Variants in DNAJA4 observed in about 807,000 individuals in gnomAD.
The protein encoded by DNAJA4 is dnaJ homolog subfamily A member 4.
DNAJA4 carries 32 observed loss-of-function variants against 39.7 expected under a neutral mutation model. The observed-to-expected ratio is 0.81, with a 90% CI of 0.61 to 1.08. The LOEUF is 1.08. Ranked by LOEUF, DNAJA4 falls within the 50% of genes least tolerant of loss-of-function variation. The pLI, the probability that DNAJA4 is intolerant of heterozygous loss-of-function variation, is 0.00. For synonymous variants in DNAJA4, 184 were observed against 182.4 expected (o/e 1.01, Z -0.07); for missense variants, 439 against 505.1 (o/e 0.87, Z 1.25).
chr15:78,275,657 A>C lies in DNAJA4; in HGVS notation c.806A>C (p.Glu269Ala). Residue 269 changes from glutamate to alanine, a missense_variant, in exon 5 of 7, where the codon GAA becomes GCA. Physicochemically the swap from Glu to Ala is moderately radical, Grantham distance 107 (BLOSUM62 -1). Coordinates refer to ENST00000394852, the MANE Select transcript of DNAJA4 (RefSeq NM_001130182.2). The stretch of plus-strand genomic sequence containing the variant: ...ATGAAAATGAAAATTCAGCTTTCTG[A>C]AGCTCTTTGTGGCTTCAAGAAGACG... ...LIMKMKIQLSEALCGFKKTIK... is the reference protein window; with the variant it reads ...LIMKMKIQLSAALCGFKKTIK... 6.2e-7 allele frequency: 1 copy of C among 1,614,178 alleles called. No individual in the cohort carries two copies. Among genetic ancestry groups the C allele is most frequent in the African/African-American group, 1.3e-5 (1 of 75,066 alleles).
At chr15:78,266,126 TG>T in intron 1 of DNAJA4, 1 of 1,062,042 alleles carries the variant, frequency 9.4e-7, no homozygotes, top group Non-Finnish European at 1.4e-6. Context: ...GCGTTTTACA[TG>T]GTGCTGGTGA....
chr15:78,270,499 T>G lies in DNAJA4; in HGVS notation c.135T>G (p.Phe45Leu). The stretch of plus-strand genomic sequence containing the variant: ...CTCTCTCTCTCTCTCTTTTAAAGTT[T>G]AAACTCATATCCCAGGCATATGAAG... ...PDKNPDEGEKFKLISQAYEVL... is the reference protein window; with the variant it reads ...PDKNPDEGEKLKLISQAYEVL... Residue 45 changes from phenylalanine (F) to leucine (L), a missense_variant and splice_region_variant, in exon 2 of 7, where the codon TTT becomes TTG. By Grantham distance (22) the Phe-to-Leu change is conservative. Transcript: ENST00000394852. 4 of 1,611,540 alleles carry G rather than the reference T, an allele frequency of 2.5e-6. No individual in the cohort carries two copies. Among genetic ancestry groups the G allele is most frequent in the Non-Finnish European group, 3.4e-6 (4 of 1,179,186 alleles).
Position 78,266,304 on chromosome 15 carries a change from G to A in DNAJA4, c.132+1409G>A, listed in dbSNP as rs753300073. On this transcript the variant is annotated intron_variant, in intron 1 of 6. Transcript: ENST00000394852. ...TCAGCACTCACAAGAGTAAGTTCAT[G>A]CCTCTGTGTATACAGTTAGAGCTGA... is the stretch of plus-strand genomic sequence containing the variant. 7 of 1,612,400 alleles carry A rather than the reference G, an allele frequency of 4.3e-6. No individual in the cohort carries two copies. In the South Asian group the frequency reaches 5.5e-5, roughly 13 times the overall value.
At position 78,281,593 on chromosome 15, in the gene DNAJA4, T is replaced by C. The variant is rs2049659871; in HGVS notation, c.*1133T>C. Reference sequence around the variant, plus strand: ...AGCTTGTTTGGAGGGATATTAGTCATTATTTTATTCATGACAGGTAGACTA... The same window carrying C: ...AGCTTGTTTGGAGGGATATTAGTCACTATTTTATTCATGACAGGTAGACTA... On this transcript the variant is annotated 3_prime_UTR_variant, in exon 7 of 7. Transcript: ENST00000394852. 1 of 152,238 alleles carries C rather than the reference T, an allele frequency of 6.6e-6. No homozygotes were observed. The highest frequency in any genetic ancestry group is 1.5e-5 in the Non-Finnish European group (1 of 68,038). 9.4% of individuals were successfully genotyped at this position (152,238 alleles called of 1,614,324 possible). A position where few individuals can be genotyped will look rare whatever the true frequency, so the allele number is the denominator to read the frequency against.
intron 1 of DNAJA4, chr15:78,265,413 C>G (rs1481939516): frequency 1.4e-6 from 1 of 695,128 alleles, no homozygotes; most frequent in Non-Finnish European, 2.6e-6. Flanking sequence ...TGGATTTGTT[C>G]TGTGCACCTA....
At chr15:78,274,535 T>C (rs759886745) in intron 4 of DNAJA4, 111 bp downstream of exon 4, 5 of 912,478 alleles carry the variant, frequency 5.5e-6, no homozygotes, top group Non-Finnish European at 8.5e-6. Context: ...ACAACATGTA[T>C]TGGGTGTGCC....
intron 5 of DNAJA4, 83 bp downstream of exon 5, chr15:78,275,811 C>A: frequency 1.0e-6 from 1 of 958,114 alleles, no homozygotes; most frequent in Non-Finnish European, 1.5e-6. Context: ...TTTTTTATTG[C>A]TACATAATAT....
chr15:78,277,712 C>T (rs532140340), intron 5 of DNAJA4: 2 of 313,364 alleles, frequency 6.4e-6, no homozygotes, highest in Non-Finnish European at 1.2e-5. Flanking sequence ...GGTCCTGGGC[C>T]CCACCAAGAG....
Position 78,274,605 on chromosome 15 carries a change from T to C in DNAJA4, c.646+181T>C, listed in dbSNP as rs1214860981. The C allele has an allele frequency of 8.0e-6, 5 of 625,518 alleles. No individual in the cohort carries two copies. In the East Asian group the frequency reaches 8.3e-5, roughly 10 times the overall value. The allele number at this position is 625,518 out of a possible 1,614,324, so 38.7% of individuals were successfully genotyped here. Reference sequence around the variant, plus strand: ...CCTTCCTGGCCTTATTTCCATTCCATGTCACCTGCCAAAGTGTTCTTGCTG... The same window carrying C: ...CCTTCCTGGCCTTATTTCCATTCCACGTCACCTGCCAAAGTGTTCTTGCTG... On this transcript the variant is annotated intron_variant, in intron 4 of 6. Transcript: ENST00000394852.
intron 2 of DNAJA4, among the ~76,000 whole-genome samples, chr15:78,271,482 C>A (rs1328366443): frequency 5.3e-5 from 8 of 152,196 alleles, no homozygotes; most frequent in Admixed American, 5.2e-4. Context: ...TCCCAGCCTG[C>A]TCAGGGGATT....
Position 78,275,690 on chromosome 15 carries a change from C to T in DNAJA4, c.839C>T (p.Thr280Ile). The T allele has an allele frequency of 6.2e-7, 1 of 1,613,460 alleles. No homozygotes were observed. The highest frequency in any genetic ancestry group is 8.5e-7 in the Non-Finnish European group (1 of 1,179,656). The stretch of plus-strand genomic sequence containing the variant: ...TGTGGCTTCAAGAAGACGATAAAAA[C>T]ATTGGACAATCGAATTCTTGTTATT... ...ALCGFKKTIK[T>I]LDNRILVITS... is the part of the protein sequence containing the mutation. The change falls in exon 5 of 7, where the codon ACA (threonine) becomes ATA (isoleucine). Residue 280 changes from threonine to isoleucine, a missense_variant. Transcript: ENST00000394852.
At chr15:78,265,196 C>T (rs536298507) in intron 1 of DNAJA4, among the ~76,000 whole-genome samples, 5 of 152,328 alleles carry the variant, frequency 3.3e-5, no homozygotes, top group African/African-American at 1.2e-4. Flanking sequence ...CTGCCGTGCG[C>T]GCCGGACTAG....
At chr15:78,267,722 TA>T (rs1035499455) in intron 1 of DNAJA4, among the ~76,000 whole-genome samples, 2 of 152,254 alleles carry the variant, frequency 1.3e-5, no homozygotes, top group Non-Finnish European at 2.9e-5. Context: ...CACATTATCC[TA>T]ACCACTCTGT....
Position 78,281,934 on chromosome 15 carries a change from G to C in DNAJA4, c.*1474G>C, listed in dbSNP as rs1045870679. 6.6e-6 allele frequency: 1 copy of C among 152,194 alleles called. No homozygotes were observed. Among genetic ancestry groups the C allele is most frequent in the Middle Eastern group, 3.2e-3 (1 of 316 alleles). 9.4% of individuals were successfully genotyped at this position (152,194 alleles called of 1,614,324 possible). A position where few individuals can be genotyped will look rare whatever the true frequency, so the allele number is the denominator to read the frequency against. On this transcript the variant is annotated 3_prime_UTR_variant, in exon 7 of 7. Coordinates refer to ENST00000394852, the MANE Select transcript of DNAJA4 (RefSeq NM_001130182.2). ...CCCACCTGTGCCCACTTTGACCATT[G>C]GTGAGGATAGATATAAAATCACTTC...
intron 4 of DNAJA4, 160 bp downstream of exon 4, chr15:78,274,584 C>G (rs2049394487): frequency 8.8e-6 from 6 of 678,578 alleles, no homozygotes; most frequent in Non-Finnish European, 1.5e-5. Context: ...CTTCACCCTT[C>G]CTGGCCTTAT....
rs373911026 is a variant in DNAJA4 at position 78,280,314 on chromosome 15, C to T, written c.1048C>T (p.Arg350Ter). ...LPQLEALLPP[R>*]QKVRITDDMD... ...TCAGCTGGAAGCTTTACTCCCTCCTCGACAGAAAGTGAGGATTACAGATGA... is the reference window on the plus strand; with the variant it reads ...TCAGCTGGAAGCTTTACTCCCTCCTTGACAGAAAGTGAGGATTACAGATGA... The change falls in exon 7 of 7, where the codon CGA (arginine) becomes TGA (stop). Residue 350 changes from arginine (R) to a stop codon, truncating the protein, a stop_gained. Coordinates refer to ENST00000394852, the MANE Select transcript of DNAJA4 (RefSeq NM_001130182.2). LOFTEE classifies it high-confidence loss of function. 3 of 1,614,210 alleles carry T rather than the reference C, an allele frequency of 1.9e-6. No individual in the cohort carries two copies. Among genetic ancestry groups the T allele is most frequent in the Non-Finnish European group, 8.5e-7 (1 of 1,180,042 alleles).
intron 2 of DNAJA4, among the ~76,000 whole-genome samples, chr15:78,270,924 G>T (rs927536705): frequency 3.9e-5 from 6 of 152,068 alleles, no homozygotes; most frequent in African/African-American, 1.4e-4. Flanking sequence ...ACTTAGCCAG[G>T]CATGGTGACT....
intron 1 of DNAJA4, among the ~76,000 whole-genome samples, chr15:78,267,920 T>TG (rs2049187876): frequency 6.6e-6 from 1 of 152,174 alleles, no homozygotes; most frequent in Admixed American, 6.5e-5. Flanking sequence ...ATGATCATGG[T>TG]CTGAAAGGCA....
intron 2 of DNAJA4, among the ~76,000 whole-genome samples, chr15:78,272,269 G>A (rs921629136): frequency 6.6e-5 from 10 of 152,100 alleles, no homozygotes; most frequent in Admixed American, 1.3e-4. Flanking sequence ...CCCAGGAGGC[G>A]GAGCTTGCAG....
Sources: gnomAD v4.1 joint callset for allele counts (sites outside exome capture counted in the v4.1 genomes callset) on GRCh38, gnomAD v4.1.1 for gene constraint, MANE v1.5 for transcripts, NCBI Gene and HGNC (gene_info 2026-07-23, HGNC 2026-07-21) for gene names.